The following XKR6 variants were observed in gnomAD, a reference collection of about 807,000 sequenced individuals.
XKR6 encodes the protein XK-related protein 6.
In XKR6, 22 loss-of-function variants were observed where a neutral mutation model predicts 56.7. The observed-to-expected ratio is 0.39, with a 90% CI of 0.28 to 0.55. The LOEUF is 0.55. Ranked by LOEUF, XKR6 falls within the 20% of genes least tolerant of loss-of-function variation. The pLI is 0.66. For missense variants in XKR6, 852 were observed against 889.0 expected, an observed-to-expected ratio of 0.96 and a Z score of 0.53; for synonymous variants, 524 against 387.8, an observed-to-expected ratio of 1.35 and a Z score of -4.13.
chr8:10,933,652 G>T (rs888207479), intron 1 of XKR6, among the ~76,000 whole-genome samples: 1 of 121,162 alleles, frequency 8.3e-6, no homozygotes, highest in Non-Finnish European at 1.7e-5. Context: ...TATTAAATAG[G>T]GAATCCTTTC....
chr8:10,925,506 C>G (rs576936885), intron 1 of XKR6, among the ~76,000 whole-genome samples: 1 of 152,292 alleles, frequency 6.6e-6, no homozygotes, highest in African/African-American at 2.4e-5. Context: ...AGTCTCCGTC[C>G]CAGCAGGGCC....
rs1799952286 is a variant in XKR6, at chr8:11,128,744, T to C, written c.764+71832A>G. 7.0e-6 allele frequency: 3 copies of C among 429,664 alleles called. No homozygotes were observed. In the Admixed American group the frequency reaches 7.9e-5, roughly 11 times the overall value. 26.6% of individuals were successfully genotyped at this position (429,664 alleles called of 1,614,324 possible). A position where few individuals can be genotyped will look rare whatever the true frequency, so the allele number is the denominator to read the frequency against. ...CATCCCATTAAAAATCTTCACATCATCCTTTCCAACTTTCTTTCCCTCACA... is the reference window on the plus strand; with the variant it reads ...CATCCCATTAAAAATCTTCACATCACCCTTTCCAACTTTCTTTCCCTCACA... On this transcript the variant is annotated intron_variant, in intron 1 of 2. Coordinates refer to ENST00000416569, the MANE Select transcript of XKR6 (RefSeq NM_173683.4).
At chr8:10,955,174 C>T (rs1227410736) in intron 1 of XKR6, among the ~76,000 whole-genome samples, 1 of 151,834 alleles carries the variant, frequency 6.6e-6, no homozygotes, top group Non-Finnish European at 1.5e-5. Flanking sequence ...CAGCCCCCGG[C>T]TTCATTCTTT....
chr8:10,990,819 G>T (rs1410552922), intron 1 of XKR6, among the ~76,000 whole-genome samples: 1 of 151,236 alleles, frequency 6.6e-6, no homozygotes, highest in Non-Finnish European at 1.5e-5. Context: ...CTGGGCTCAA[G>T]CGATCCACCT....
chr8:11,160,847 G>C (rs140721780), intron 1 of XKR6, among the ~76,000 whole-genome samples: 21 of 140,718 alleles, frequency 1.5e-4, no homozygotes, highest in African/African-American at 5.7e-4. Flanking sequence ...GGGAGGCGGA[G>C]GTTGCAGTGA....
intron 1 of XKR6, among the ~76,000 whole-genome samples, chr8:11,038,765 T>A (rs573940816): frequency 6.6e-6 from 1 of 152,208 alleles, no homozygotes; most frequent in South Asian, 2.1e-4. Flanking sequence ...GGTCAAGGAC[T>A]TCTAGGCTCA....
chr8:11,097,873 G>GT (rs34606632), intron 1 of XKR6, among the ~76,000 whole-genome samples: 2,878 of 146,398 alleles, frequency 0.02, 52 homozygotes, highest in Non-Finnish European at 0.023. Flanking sequence ...AAATTCTACA[G>GT]TTTTTTTTTT....
At chr8:11,122,480 C>T (rs569400618) in intron 1 of XKR6, among the ~76,000 whole-genome samples, 1 of 152,328 alleles carries the variant, frequency 6.6e-6, no homozygotes, top group East Asian at 1.9e-4. Context: ...CTCCACCTGC[C>T]CAAAATGACA....
At chr8:10,938,038 C>G (rs1201693824) in intron 1 of XKR6, among the ~76,000 whole-genome samples, 2 of 152,128 alleles carry the variant, frequency 1.3e-5, no homozygotes, top group Non-Finnish European at 2.9e-5. Flanking sequence ...GACTGCTGTG[C>G]CAGCAATCAG....
intron 1 of XKR6, among the ~76,000 whole-genome samples, chr8:11,087,318 T>C (rs1797922283): frequency 6.6e-6 from 1 of 152,186 alleles, no homozygotes; most frequent in South Asian, 2.1e-4. Context: ...TCTTCCTTGC[T>C]AACAGGACCC....
At chr8:11,148,787 G>A (rs925347182) in intron 1 of XKR6, among the ~76,000 whole-genome samples, 3 of 152,162 alleles carry the variant, frequency 2.0e-5, no homozygotes, top group African/African-American at 7.2e-5. Context: ...GTATCCATTA[G>A]CAGATGAATG....
chr8:10,994,150 C>G (rs1268948787), intron 1 of XKR6, among the ~76,000 whole-genome samples: 1 of 152,240 alleles, frequency 6.6e-6, no homozygotes, highest in Non-Finnish European at 1.5e-5. Flanking sequence ...ACCCACCATG[C>G]AATTGGGTTT....
chr8:11,099,606 T>G (rs1367954192), intron 1 of XKR6, among the ~76,000 whole-genome samples: 1 of 152,226 alleles, frequency 6.6e-6, no homozygotes, highest in African/African-American at 2.4e-5. Flanking sequence ...TCTCCAAGTT[T>G]CCTTGCAACT....
chr8:11,051,190 G>C (rs1799535935), intron 1 of XKR6, among the ~76,000 whole-genome samples: 1 of 151,438 alleles, frequency 6.6e-6, no homozygotes, highest in South Asian at 2.1e-4. Flanking sequence ...TTCTTCCCTT[G>C]GGTTCCAGAC....
chr8:11,126,328 A>G (rs1799794522), intron 1 of XKR6, among the ~76,000 whole-genome samples: 1 of 152,042 alleles, frequency 6.6e-6, no homozygotes, highest in African/African-American at 2.4e-5. Flanking sequence ...GGCCTCCCAA[A>G]GTGCTGGGAT....
At position 10,913,983 on chromosome 8, in the gene XKR6, CA is replaced by C. The variant is rs1800483869; in HGVS notation, c.961+10650del. Among the ~76,000 whole-genome samples the C allele has an allele frequency of 2.0e-5, 3 of 152,306 alleles. No homozygotes were observed. In the South Asian group the frequency reaches 6.2e-4, roughly 32 times the overall value. On this transcript the variant is annotated intron_variant, in intron 2 of 2. Coordinates refer to ENST00000416569, the MANE Select transcript of XKR6 (RefSeq NM_173683.4). ...CCTGGGGTGCAAGAGGCTGGGAATG[CA>C]GTCAGGACTCTCCTTTGGTCAGGTC...
chr8:10,960,679 G>A (rs956368380), intron 1 of XKR6, among the ~76,000 whole-genome samples: 3 of 152,186 alleles, frequency 2.0e-5, no homozygotes, highest in Non-Finnish European at 4.4e-5. Flanking sequence ...CCAGGGTCAC[G>A]GAGAATCTGA....
intron 1 of XKR6, among the ~76,000 whole-genome samples, chr8:10,955,583 T>A (rs1801860168): frequency 6.6e-6 from 1 of 152,136 alleles, no homozygotes; most frequent in African/African-American, 2.4e-5. Flanking sequence ...TTCTTCATAG[T>A]CCCATTTTAC....
intron 1 of XKR6, among the ~76,000 whole-genome samples, chr8:11,168,430 G>A (rs561166674): frequency 2.0e-5 from 3 of 152,258 alleles, no homozygotes; most frequent in South Asian, 2.1e-4. Flanking sequence ...AAAGTGAGAC[G>A]TAGAAAGCTC....
Sources: allele counts gnomAD v4.1 joint callset (sites outside exome capture counted in the v4.1 genomes callset), GRCh38; gene constraint gnomAD v4.1.1; transcripts MANE v1.5; gene names NCBI Gene and HGNC (gene_info 2026-07-23, HGNC 2026-07-21).